Variants in EIF3B observed in about 807,000 individuals in gnomAD.
The protein encoded by EIF3B is eukaryotic translation initiation factor 3 subunit B.
A neutral mutation model predicts 104.6 loss-of-function variants in EIF3B; 10 were observed. That is an observed-to-expected ratio of 0.10 (90% CI 0.06 to 0.16). EIF3B has a LOEUF of 0.16. Ranked by LOEUF, EIF3B falls within the 10% of genes least tolerant of loss-of-function variation. The pLI is 1.00. For missense variants in EIF3B, 1,014 were observed against 1,087.9 expected, an observed-to-expected ratio of 0.93 and a Z score of 0.96; for synonymous variants, 542 against 417.2, an observed-to-expected ratio of 1.30 and a Z score of -3.65.
Position 2,360,836 on chromosome 7 carries a change from A to G in EIF3B, c.626A>G (p.Lys209Arg). The G allele has an allele frequency of 6.2e-7, 1 of 1,614,028 alleles. No homozygotes were observed. The highest frequency in any genetic ancestry group is 8.5e-7 in the Non-Finnish European group (1 of 1,179,870). ...GAGAAACTCAAAAATGTCATCCACA[A>G]GATCTTTTCCAAGTTTGGGAAAATC... ...RLEKLKNVIH[K>R]IFSKFGKITN... Residue 209 changes from lysine (K) to arginine (R), a missense_variant, in exon 2 of 19, where the codon AAG (lysine) becomes AGG (arginine). This residue lies in a region of EIF3B where 488 missense variants were observed against 404.3 expected (regional missense o/e 1.21). Transcript: ENST00000360876.
chr7:2,369,431 A>C (rs1780202626), intron 9 of EIF3B, 41 bp from the exon 10 acceptor site: 1 of 1,597,602 alleles, frequency 6.3e-7, no homozygotes, highest in Middle Eastern at 1.7e-4. Flanking sequence ...TTTCGTCATC[A>C]CTTGGTCTTT....
chr7:2,364,228 C>G (rs963688812), intron 5 of EIF3B, 144 bp from the exon 6 acceptor site: 25 of 738,894 alleles, frequency 3.4e-5, no homozygotes, highest in Non-Finnish European at 5.2e-5. Context: ...CGCCACTGCA[C>G]TCCAGCCTGG....
chr7:2,372,544 C>T (rs1013501908), intron 11 of EIF3B, 129 bp from the exon 12 acceptor site: 36 of 1,188,982 alleles, frequency 3.0e-5, no homozygotes, highest in South Asian at 1.1e-4. Context: ...CTTGCTCTCC[C>T]GTCCTTTTAA....
Position 2,380,707 on chromosome 7 carries a change from A to G in EIF3B, c.*518A>G, listed in dbSNP as rs1047150563. 1.6e-5 allele frequency: 3 copies of G among 181,830 alleles called. No individual in the cohort carries two copies. Among genetic ancestry groups the G allele is most frequent in the Non-Finnish European group, 2.4e-5 (2 of 84,912 alleles). The allele number at this position is 181,830 out of a possible 1,614,324, so 11.3% of individuals were successfully genotyped here. On this transcript the variant is annotated 3_prime_UTR_variant, in exon 19 of 19. Transcript: ENST00000360876. Reference sequence around the variant, plus strand: ...GCAGGTTGTGGCCGGTTTTCTCCGCAGGTTGAACATGGAAATAAAAGCAAA... The same window carrying G: ...GCAGGTTGTGGCCGGTTTTCTCCGCGGGTTGAACATGGAAATAAAAGCAAA...
intron 2 of EIF3B, among the ~76,000 whole-genome samples, chr7:2,362,118 CCCGGCTAATTT>C (rs1156863700): frequency 2.0e-5 from 3 of 152,100 alleles, no homozygotes; most frequent in Non-Finnish European, 4.4e-5. Context: ...TGCCACCATG[CCCGGCTAATTT>C]TTGTATATTT....
At chr7:2,364,309 G>A in intron 5 of EIF3B, 63 bp from the exon 6 acceptor site, 1 of 1,385,286 alleles carries the variant, frequency 7.2e-7, no homozygotes, top group Non-Finnish European at 9.8e-7. Context: ...TAAATTCATT[G>A]TAGGAGGGGT....
chr7:2,355,263 C>A lies in EIF3B; in HGVS notation c.342C>A (p.Asp114Glu), dbSNP rs959783942. The change falls in exon 1 of 19, where the codon GAC (aspartate) becomes GAA (glutamate). Residue 114 changes from aspartate (D) to glutamate (E), a missense_variant. This residue lies in a region of EIF3B where 488 missense variants were observed against 404.3 expected (regional missense o/e 1.21). Coordinates refer to ENST00000360876, the MANE Select transcript of EIF3B (RefSeq NM_001037283.2). ...QGEAPGEQARDERSDSRAQAV... is the reference protein window; with the variant it reads ...QGEAPGEQAREERSDSRAQAV... ...AGGCCCCAGGAGAGCAGGCTCGGGA[C>A]GAGCGCTCCGACAGCCGGGCCCAGG... 6.5e-7 allele frequency: 1 copy of A among 1,530,978 alleles called. No individual in the cohort carries two copies. Among genetic ancestry groups the A allele is most frequent in the Non-Finnish European group, 8.7e-7 (1 of 1,145,470 alleles). The allele number at this position is 1,530,978 out of a possible 1,614,324, so 94.8% of individuals were successfully genotyped here.
intron 2 of EIF3B, among the ~76,000 whole-genome samples, chr7:2,362,158 C>G (rs954876321): frequency 6.6e-6 from 1 of 152,076 alleles, no homozygotes; most frequent in Non-Finnish European, 1.5e-5. Context: ...CAGGGTTTCA[C>G]CATGTTGGCC....
chr7:2,369,634 C>T lies in EIF3B; in HGVS notation c.1566C>T (p.Asn522=), dbSNP rs754834085. 28 of 1,613,966 alleles carry T rather than the reference C, an allele frequency of 1.7e-5. No individual in the cohort carries two copies. The highest frequency in any genetic ancestry group is 4.0e-5 in the African/African-American group (3 of 74,880). Residue 522 remains asparagine (N), a synonymous_variant, in exon 10 of 19, where the codon AAC becomes AAT. Transcript: ENST00000360876. ...ACTGCAAGCTCCATTGGCAGAAGAA[C>T]GGAGACTACTTGTGTGTGAAAGTAG... ...VVDCKLHWQK[N]GDYLCVKVDR... is the part of the protein sequence containing the mutation.
intron 10 of EIF3B, among the ~76,000 whole-genome samples, chr7:2,371,222 C>T (rs1780323747): frequency 6.6e-6 from 1 of 152,246 alleles, no homozygotes; most frequent in Non-Finnish European, 1.5e-5. Context: ...TGTGTTTGAC[C>T]TCCTTCACGG....
intron 13 of EIF3B, chr7:2,375,023 G>A (rs746341095): frequency 1.0e-4 from 34 of 336,958 alleles, no homozygotes; most frequent in Admixed American, 1.7e-4. Context: ...CTGTGTTCCA[G>A]CAGTGTGTCG....
In EIF3B at chr7:2,380,492, C is replaced by T. The variant is rs188112322; in HGVS notation, c.*303C>T. ...GTTTGGAGTTTTCTGTTGGAACCGC[C>T]GGCGTTGGCTCCGAAGACTTAGCGA... On this transcript the variant is annotated 3_prime_UTR_variant, in exon 19 of 19. Coordinates refer to ENST00000360876, the MANE Select transcript of EIF3B (RefSeq NM_001037283.2). The T allele has an allele frequency of 6.5e-3, 3,129 of 484,588 alleles. 14 individuals are homozygous for T. The highest frequency in any genetic ancestry group is 0.011 in the Non-Finnish European group (2,616 of 242,864). The allele number at this position is 484,588 out of a possible 1,614,324, so 30.0% of individuals were successfully genotyped here. A position where few individuals can be genotyped will look rare whatever the true frequency, so the allele number is the denominator to read the frequency against.
chr7:2,372,422 C>T (rs952357665), intron 11 of EIF3B, among the ~76,000 whole-genome samples: 2 of 152,192 alleles, frequency 1.3e-5, no homozygotes, highest in Admixed American at 1.3e-4. Flanking sequence ...CTCCTGCGGT[C>T]CTGCTGTGGG....
In EIF3B at chr7:2,379,536, G is replaced by T. The variant is rs772767659; in HGVS notation, c.*14+25G>T. On this transcript the variant is annotated intron_variant, in intron 18 of 18. Transcript: ENST00000360876. ...GGTGAGCGTCTGCAGGGGGCGCGAT[G>T]GGGGTCCTGTTGGCTGCTCATGCTG... The T allele has an allele frequency of 1.9e-4, 275 of 1,450,876 alleles. 1 individual carries two copies. The highest frequency in any genetic ancestry group is 1.7e-3 in the South Asian group (138 of 82,120). 89.9% of individuals were successfully genotyped at this position (1,450,876 alleles called of 1,614,324 possible).
At chr7:2,370,657 A>T (rs1780283672) in intron 10 of EIF3B, among the ~76,000 whole-genome samples, 1 of 152,150 alleles carries the variant, frequency 6.6e-6, no homozygotes, top group Admixed American at 6.5e-5. Flanking sequence ...CACTCATTTC[A>T]GAACGTTTTC....
chr7:2,378,776 A>G lies in EIF3B; in HGVS notation c.2232+10A>G. The G allele has an allele frequency of 6.2e-7, 1 of 1,611,482 alleles. No homozygotes were observed. Among genetic ancestry groups the G allele is most frequent in the South Asian group, 1.1e-5 (1 of 91,030 alleles). On this transcript the variant is annotated intron_variant, in intron 16 of 18. Transcript: ENST00000360876. ...GTCCAAAGCCTCAAAGGTGAGCCTC[A>G]TTCCCAAAATGAGGGCTGTGCTGTG...
At chr7:2,357,464 A>G (rs1003274046) in intron 1 of EIF3B, among the ~76,000 whole-genome samples, 4 of 152,210 alleles carry the variant, frequency 2.6e-5, no homozygotes, top group African/African-American at 9.6e-5. Flanking sequence ...AGTTCTTTCC[A>G]GAAGGGCCAA....
At chr7:2,372,400 G>A (rs1190121033) in intron 11 of EIF3B, among the ~76,000 whole-genome samples, 1 of 152,202 alleles carries the variant, frequency 6.6e-6, no homozygotes, top group Non-Finnish European at 1.5e-5. Flanking sequence ...CACAGCTGCT[G>A]ACAATGTCGG....
rs552367791 is a variant in EIF3B, at chr7:2,369,765, A to ATT, written c.1614+112_1614+113dup. 1,266 of 365,424 alleles carry ATT rather than the reference A, an allele frequency of 3.5e-3. 20 individuals carry two copies. Among genetic ancestry groups the ATT allele is most frequent in the South Asian group, 8.8e-3 (324 of 36,794 alleles). 22.6% of individuals were successfully genotyped at this position (365,424 alleles called of 1,614,324 possible). On this transcript the variant is annotated intron_variant, in intron 10 of 18. Transcript: ENST00000360876. ...CGTATTGTTTGGAGGGTGTTAATGG[A>ATT]TTTTTTTTTTTTTTTTTTTTTTTTT...
Sources: allele counts gnomAD v4.1 joint callset (sites outside exome capture counted in the v4.1 genomes callset), GRCh38; gene constraint gnomAD v4.1.1; regional missense constraint gnomAD v4.1.1; transcripts MANE v1.5; gene names NCBI Gene and HGNC (gene_info 2026-07-23, HGNC 2026-07-21).